The following RANBP2 variants were observed in gnomAD, a reference collection of about 807,000 sequenced individuals.
RANBP2 encodes E3 SUMO-protein ligase RanBP2.
Under a neutral mutation model 303.6 loss-of-function variants are expected in RANBP2, and 57 were observed. The observed-to-expected ratio is 0.19, with a 90% CI of 0.15 to 0.23. RANBP2 has a LOEUF of 0.23. Ranked by LOEUF, RANBP2 falls within the 10% of genes least tolerant of loss-of-function variation. The pLI, the probability that RANBP2 is intolerant of heterozygous loss-of-function variation, is 1.00. For synonymous variants in RANBP2, 1,167 were observed against 1,301.5 expected, an observed-to-expected ratio of 0.90 and a Z score of 2.23; for missense variants, 3,138 against 3,780.8, an observed-to-expected ratio of 0.83 and a Z score of 4.46.
At chr2:109,660,002 T>A in the RANBP2 span, among the ~76,000 whole-genome samples, 1 of 152,300 alleles carries the variant, frequency 6.6e-6, no homozygotes, top group African/African-American at 2.4e-5. Flanking sequence ...TCAGTCCCAG[T>A]GAGGCAGGAG....
the RANBP2 span, among the ~76,000 whole-genome samples, chr2:108,951,633 G>T: frequency 6.6e-6 from 1 of 152,114 alleles, no homozygotes; most frequent in African/African-American, 2.4e-5. Flanking sequence ...CACTGGATCA[G>T]GATGGGGCCT....
At chr2:109,320,780 G>A in the RANBP2 span, among the ~76,000 whole-genome samples, 1 of 152,142 alleles carries the variant, frequency 6.6e-6, no homozygotes, top group East Asian at 1.9e-4. Flanking sequence ...AATAAAACTC[G>A]AGGCACATTG....
chr2:109,589,418 G>A, the RANBP2 span, among the ~76,000 whole-genome samples: 1 of 152,110 alleles, frequency 6.6e-6, no homozygotes, highest in Non-Finnish European at 1.5e-5. Flanking sequence ...TGTAGTCCCA[G>A]CTACTCCGGA....
chr2:108,854,684 CATCTG>C, the RANBP2 span, among the ~76,000 whole-genome samples: 5 of 152,102 alleles, frequency 3.3e-5, no homozygotes, highest in Non-Finnish European at 7.3e-5. Context: ...GGGCTCAGCT[CATCTG>C]GATATTTGGC....
chr2:109,135,087 C>T, the RANBP2 span, among the ~76,000 whole-genome samples: 5 of 152,170 alleles, frequency 3.3e-5, no homozygotes, highest in African/African-American at 9.7e-5. Flanking sequence ...AAATAGAGGC[C>T]GTGGCTTCAG....
chr2:109,722,649 G>A, the RANBP2 span, among the ~76,000 whole-genome samples: 2 of 152,070 alleles, frequency 1.3e-5, no homozygotes, highest in African/African-American at 4.8e-5. Context: ...CCCTCCCCAC[G>A]ACAGGCCTCA....
the RANBP2 span, among the ~76,000 whole-genome samples, chr2:108,920,056 C>T: frequency 6.6e-6 from 1 of 152,260 alleles, no homozygotes; most frequent in African/African-American, 2.4e-5. Context: ...TGGCCAGTCA[C>T]AGAGACACCT....
At chr2:109,067,432 A>G in the RANBP2 span, among the ~76,000 whole-genome samples, 1 of 152,176 alleles carries the variant, frequency 6.6e-6, no homozygotes, top group Non-Finnish European at 1.5e-5. Context: ...CCTGTGCTGT[A>G]CTTTCACCAT....
chr2:109,388,559 T>C, the RANBP2 span, among the ~76,000 whole-genome samples: 1 of 152,232 alleles, frequency 6.6e-6, no homozygotes. Flanking sequence ...TGAGAAGTGC[T>C]GAGCAGTGTT....
At chr2:108,866,751 C>T in the RANBP2 span, among the ~76,000 whole-genome samples, 5 of 151,934 alleles carry the variant, frequency 3.3e-5, no homozygotes, top group African/African-American at 7.3e-5. Flanking sequence ...GACGCGGTGA[C>T]GGGTGCCTAT....
At chr2:108,822,296 T>TA in the RANBP2 span, among the ~76,000 whole-genome samples, 1 of 152,192 alleles carries the variant, frequency 6.6e-6, no homozygotes, top group Non-Finnish European at 1.5e-5. Context: ...ATCAGACTTC[T>TA]AAAATATTAT....
chr2:109,359,246 C>G, the RANBP2 span, among the ~76,000 whole-genome samples: 3 of 152,146 alleles, frequency 2.0e-5, no homozygotes, highest in Non-Finnish European at 4.4e-5. Flanking sequence ...TATTTGTTGG[C>G]TCTTCTAGGT....
chr2:109,708,964 A>C, the RANBP2 span, among the ~76,000 whole-genome samples: 1 of 149,310 alleles, frequency 6.7e-6, no homozygotes, highest in Non-Finnish European at 1.5e-5. Flanking sequence ...GCAACAGAGC[A>C]AGGCTCCCTC....
the RANBP2 span, among the ~76,000 whole-genome samples, chr2:109,336,140 TAAAG>T: frequency 2.0e-5 from 3 of 152,274 alleles, no homozygotes; most frequent in South Asian, 2.1e-4. Flanking sequence ...TTTAATATCT[TAAAG>T]AAAGTCAAAA....
the RANBP2 span, among the ~76,000 whole-genome samples, chr2:109,698,827 T>C: frequency 2.0e-5 from 3 of 152,192 alleles, no homozygotes; most frequent in South Asian, 6.2e-4. Context: ...CTTGGGAGGC[T>C]GAGGCTGAGG....
At chr2:109,550,366 G>A in the RANBP2 span, among the ~76,000 whole-genome samples, 1 of 151,194 alleles carries the variant, frequency 6.6e-6, no homozygotes, top group Non-Finnish European at 1.5e-5. Flanking sequence ...AGGCTGGAGT[G>A]CAGTGGCATA....
chr2:109,490,263 C>T, the RANBP2 span, among the ~76,000 whole-genome samples: 2 of 152,206 alleles, frequency 1.3e-5, no homozygotes, highest in African/African-American at 4.8e-5. Context: ...GGCATGCTTA[C>T]TGCTTGACTC....
At chr2:109,529,986 T>TA in the RANBP2 span, among the ~76,000 whole-genome samples, 2 of 152,174 alleles carry the variant, frequency 1.3e-5, no homozygotes, top group African/African-American at 4.8e-5. Flanking sequence ...TGTTTTCTTT[T>TA]AAAAAAAGAA....
At chr2:109,431,473 T>G in the RANBP2 span, among the ~76,000 whole-genome samples, 1 of 152,170 alleles carries the variant, frequency 6.6e-6, no homozygotes, top group African/African-American at 2.4e-5. Flanking sequence ...GGAAAAGATA[T>G]AGGTATAGTT....
Sources: gnomAD v4.1 joint callset for allele counts (sites outside exome capture counted in the v4.1 genomes callset) on GRCh38, gnomAD v4.1.1 for gene constraint, MANE v1.5 for transcripts, NCBI Gene and HGNC (gene_info 2026-07-23, HGNC 2026-07-21) for gene names.